Variants in SLC27A6 observed in about 807,000 individuals in gnomAD.
SLC27A6 encodes the protein solute carrier family 27 member 6.
SLC27A6 carries 74 observed loss-of-function variants against 63.9 expected under a neutral mutation model. The observed-to-expected ratio is 1.16, with a 90% confidence interval of 0.96 to 1.40. SLC27A6 has a LOEUF of 1.40. Ranked by LOEUF, SLC27A6 falls within the 40% of genes most tolerant of loss-of-function variation. The probability of loss-of-function intolerance (pLI) is 0.00; values close to 1 mark genes in which losing one functional copy is unlikely to be tolerated. For missense variants in SLC27A6, 794 were observed against 732.9 expected, an observed-to-expected ratio of 1.08 and a Z score of -0.96; for synonymous variants, 287 against 260.8, an observed-to-expected ratio of 1.10 and a Z score of -0.97.
At chr5:128,975,500 T>G (rs1580702658) in intron 1 of SLC27A6, among the ~76,000 whole-genome samples, 1 of 141,166 alleles carries the variant, frequency 7.1e-6, no homozygotes, top group African/African-American at 2.5e-5. Context: ...GCTACAAACT[T>G]GTACCAGGAT....
In SLC27A6 at chr5:128,990,445, A is replaced by G. The variant is rs201547629; in HGVS notation, c.950A>G (p.Tyr317Cys). ...CAGTATATTGGAGAACTTTGTCGCT[A>G]CCTTTGCAAACAATCTAAGGTAGGC... is the stretch of plus-strand genomic sequence containing the variant. ...VFQYIGELCR[Y>C]LCKQSKREGE... Residue 317 changes from tyrosine (Y) to cysteine (C), a missense_variant, in exon 4 of 10, where the codon TAC becomes TGC. Physicochemically the swap from Tyr to Cys is radical, Grantham distance 194. Transcript: ENST00000262462. The G allele has an allele frequency of 3.7e-6, 6 of 1,612,898 alleles. No individual in the cohort carries two copies. Among genetic ancestry groups the G allele is most frequent in the Non-Finnish European group, 4.2e-6 (5 of 1,179,672 alleles).
rs771792675 is a variant in SLC27A6, at chr5:129,015,902, T to A, written c.987T>A (p.Asp329Glu). ...CKQSKREGEKDHKVRLAIGNG... is the reference protein window; with the variant it reads ...CKQSKREGEKEHKVRLAIGNG... ...TCTAACAGAGAGAAGGAGAAAAGGA[T>A]CATAAGGTGCGTTTGGCAATTGGAA... The change falls in exon 5 of 10, where the codon GAT becomes GAA. Residue 329 changes from aspartate (D) to glutamate (E), a missense_variant. Asp to Glu is a conservative substitution (Grantham distance 45, BLOSUM62 2). Transcript: ENST00000262462. The A allele has an allele frequency of 3.8e-6, 6 of 1,593,878 alleles. No individual in the cohort carries two copies. The Admixed American group carries it at 1.1e-4, about 29-fold the overall frequency.
At chr5:128,974,453 T>C (rs1269402958) in intron 1 of SLC27A6, among the ~76,000 whole-genome samples, 1 of 152,340 alleles carries the variant, frequency 6.6e-6, no homozygotes, top group East Asian at 1.9e-4. Context: ...AAAAATTCTA[T>C]TTTGATTAAC....
intron 6 of SLC27A6, among the ~76,000 whole-genome samples, chr5:129,026,662 A>G (rs1752255763): frequency 6.6e-6 from 1 of 152,160 alleles, no homozygotes. Flanking sequence ...CTGGTGAAAT[A>G]GGGATTATAT....
chr5:129,007,131 A>G (rs1751567871), intron 4 of SLC27A6, among the ~76,000 whole-genome samples: 1 of 152,176 alleles, frequency 6.6e-6, no homozygotes, highest in Non-Finnish European at 1.5e-5. Context: ...TAATAAGAGC[A>G]GAGAATGATC....
rs767486421 is a variant in SLC27A6 at position 128,966,309 on chromosome 5, G to A, written c.172G>A (p.Asp58Asn). 6.2e-7 allele frequency: 1 copy of A among 1,614,142 alleles called. No individual in the cohort carries two copies. The highest frequency in any genetic ancestry group is 1.1e-5 in the South Asian group (1 of 91,078). Residue 58 changes from aspartate (D) to asparagine (N), a missense_variant, in exon 1 of 10, where the codon GAT (aspartate) becomes AAT (asparagine). By Grantham distance (23) the Asp-to-Asn change is conservative. Transcript: ENST00000262462. Reference protein sequence around the residue: ...EKRGELVTVLDKFLSHAKRQP... With the variant: ...EKRGELVTVLNKFLSHAKRQP... ...GAGAGGGGAGCTGGTGACTGTGCTG[G>A]ATAAATTCTTGAGTCATGCCAAAAG...
intron 1 of SLC27A6, among the ~76,000 whole-genome samples, chr5:128,970,248 G>T (rs896376689): frequency 5.3e-5 from 8 of 152,092 alleles, no homozygotes; most frequent in Non-Finnish European, 1.2e-4. Context: ...GTCTCTGCCA[G>T]ACTTTGGTAT....
chr5:129,011,911 C>G (rs1254510665), intron 4 of SLC27A6, among the ~76,000 whole-genome samples: 1 of 152,068 alleles, frequency 6.6e-6, no homozygotes, highest in African/African-American at 2.4e-5. Context: ...GACCCAAAAA[C>G]CATCTCTAGC....
rs2304578 is a variant in SLC27A6 at position 129,027,137 on chromosome 5, A to G, written c.1260A>G (p.Glu420=). 0.024 allele frequency: 39,223 copies of G among 1,612,734 alleles called. 1,351 individuals are homozygous for G. The highest frequency in any genetic ancestry group is 0.17 in the African/African-American group (12,663 of 74,838). ...AAATGTCGTTCTTTCTTGCAGGAGA[A>G]CCTGGACTTCTCATTTCTCGAGTGA... is the stretch of plus-strand genomic sequence containing the variant. The part of the protein sequence containing the change: ...QGWCIHVKKG[E]PGLLISRVNA... Residue 420 remains glutamate (E), a synonymous_variant, in exon 7 of 10, where the codon GAA becomes GAG. Transcript: ENST00000262462.
intron 1 of SLC27A6, among the ~76,000 whole-genome samples, chr5:128,981,286 C>T (rs1465351133): frequency 1.3e-5 from 2 of 151,954 alleles, no homozygotes; most frequent in African/African-American, 2.4e-5. Flanking sequence ...TCGAGACCAG[C>T]CTGGCCAACA....
chr5:128,968,760 T>G (rs182027956), intron 1 of SLC27A6, among the ~76,000 whole-genome samples: 1 of 152,058 alleles, frequency 6.6e-6, no homozygotes, highest in Admixed American at 6.5e-5. Flanking sequence ...AGAAGCTCTT[T>G]AGTTTAATTA....
intron 1 of SLC27A6, among the ~76,000 whole-genome samples, chr5:128,982,582 A>G (rs1428855464): frequency 1.3e-5 from 2 of 152,244 alleles, no homozygotes; most frequent in Non-Finnish European, 2.9e-5. Flanking sequence ...AATTAAAGTA[A>G]TGAGTCAGTT....
chr5:128,974,037 A>G (rs1221993781), intron 1 of SLC27A6, among the ~76,000 whole-genome samples: 1 of 152,236 alleles, frequency 6.6e-6, no homozygotes, highest in African/African-American at 2.4e-5. Context: ...TTCTGTTTAC[A>G]AGGGCCAACC....
At chr5:129,005,889 G>A (rs1023905653) in intron 4 of SLC27A6, among the ~76,000 whole-genome samples, 4 of 151,666 alleles carry the variant, frequency 2.6e-5, no homozygotes, top group African/African-American at 4.8e-5. Flanking sequence ...TAGGATTACA[G>A]GCGTGAGCCA....
At chr5:129,012,199 T>C (rs1580736853) in intron 4 of SLC27A6, among the ~76,000 whole-genome samples, 1 of 152,032 alleles carries the variant, frequency 6.6e-6, no homozygotes, top group East Asian at 1.9e-4. Context: ...ATTTTCATTG[T>C]AATTTTTTTT....
At chr5:129,013,367 TTG>T (rs750753949) in intron 4 of SLC27A6, among the ~76,000 whole-genome samples, 3 of 152,140 alleles carry the variant, frequency 2.0e-5, no homozygotes, top group African/African-American at 4.8e-5. Flanking sequence ...CCATTTTTAT[TTG>T]TGTGAAAACA....
rs533026193 is a variant in SLC27A6 at position 129,026,228 on chromosome 5, C to T, written c.1256-905C>T. ...GCATGAACACTGCATCACTTTACAG[C>T]AGGCATAGCAAGTGGACAATAGCCT... On this transcript the variant is annotated intron_variant, in intron 6 of 9. Coordinates refer to ENST00000262462, the MANE Select transcript of SLC27A6 (RefSeq NM_001017372.3). Among the ~76,000 whole-genome samples the T allele has an allele frequency of 5.3e-5, 8 of 152,258 alleles. No homozygotes were observed. In the South Asian group the frequency reaches 1.7e-3, roughly 32 times the overall value.
intron 4 of SLC27A6, among the ~76,000 whole-genome samples, chr5:129,005,330 G>A (rs1391778385): frequency 6.6e-6 from 1 of 152,136 alleles, no homozygotes; most frequent in Non-Finnish European, 1.5e-5. Context: ...AAAACACATG[G>A]GAATCTGGAT....
At chr5:129,003,239 T>G (rs1487229685) in intron 4 of SLC27A6, among the ~76,000 whole-genome samples, 1 of 152,214 alleles carries the variant, frequency 6.6e-6, no homozygotes, top group Non-Finnish European at 1.5e-5. Context: ...TTGTCTAAGT[T>G]TTAAAATCAA....
Sources: gnomAD v4.1 joint callset for allele counts (sites outside exome capture counted in the v4.1 genomes callset) on GRCh38, gnomAD v4.1.1 for gene constraint, MANE v1.5 for transcripts, NCBI Gene and HGNC (gene_info 2026-07-23, HGNC 2026-07-21) for gene names.